Variants in AGBL4 observed in about 807,000 individuals in gnomAD.
AGBL4 encodes the protein cytosolic carboxypeptidase 6.
AGBL4 carries 58 observed loss-of-function variants against 66.4 expected under a neutral mutation model. The observed-to-expected ratio is 0.87, with a 90% CI of 0.71 to 1.09. The LOEUF (loss-of-function observed/expected upper bound fraction) is 1.09, where lower values mean the gene tolerates loss of function less well. Ranked by LOEUF, AGBL4 falls within the 50% of genes least tolerant of loss-of-function variation. The pLI is 0.00. For missense variants in AGBL4, 579 were observed against 631.0 expected, an observed-to-expected ratio of 0.92 and a Z score of 0.88; for synonymous variants, 234 against 222.9, an observed-to-expected ratio of 1.05 and a Z score of -0.44.
At chr1:49,360,790 G>A (rs778490241) in intron 3 of AGBL4, among the ~76,000 whole-genome samples, 2 of 151,968 alleles carry the variant, frequency 1.3e-5, no homozygotes, top group African/African-American at 2.4e-5. Flanking sequence ...AAACGAATCC[G>A]CATGTTATTG....
intron 5 of AGBL4, among the ~76,000 whole-genome samples, chr1:48,963,215 A>G (rs1437983654): frequency 6.6e-6 from 1 of 151,816 alleles, no homozygotes; most frequent in Non-Finnish European, 1.5e-5. Flanking sequence ...TCCCAAAATA[A>G]CTAACCTACT....
At chr1:49,602,116 G>T (rs1644971667) in intron 3 of AGBL4, among the ~76,000 whole-genome samples, 1 of 152,174 alleles carries the variant, frequency 6.6e-6, no homozygotes, top group African/African-American at 2.4e-5. Flanking sequence ...CTGGTCATTA[G>T]AGAAATGCAA....
intron 6 of AGBL4, among the ~76,000 whole-genome samples, chr1:48,846,305 TAGATAGAC>T (rs1365784252): frequency 2.1e-5 from 3 of 145,794 alleles, no homozygotes; most frequent in African/African-American, 7.7e-5. Flanking sequence ...GATAGATAGA[TAGATAGAC>T]AGATAGATAG....
intron 6 of AGBL4, among the ~76,000 whole-genome samples, chr1:48,763,601 T>C (rs990095949): frequency 6.6e-6 from 1 of 152,102 alleles, no homozygotes; most frequent in Non-Finnish European, 1.5e-5. Flanking sequence ...GTTTGACAAG[T>C]TGAGGGCAAA....
intron 1 of AGBL4, among the ~76,000 whole-genome samples, chr1:49,931,283 G>A (rs999793798): frequency 1.3e-5 from 2 of 152,110 alleles, no homozygotes; most frequent in African/African-American, 4.8e-5. Context: ...CTATATTCAT[G>A]AGTTGAAAGA....
Position 49,258,615 on chromosome 1 carries a change from A to G in AGBL4, c.283-12751T>C, listed in dbSNP as rs549777554. Among the ~76,000 whole-genome samples the G allele has an allele frequency of 3.2e-4, 49 of 152,300 alleles. 1 individual carries two copies. In the South Asian group the frequency reaches 9.3e-3, roughly 29 times the overall value. Reference sequence around the variant, plus strand: ...AAGGGAAGTTTAGAGAAAAAAGAATAAAAAGAAACAAACAAAGCCTCCAAG... The same window carrying G: ...AAGGGAAGTTTAGAGAAAAAAGAATGAAAAGAAACAAACAAAGCCTCCAAG... On this transcript the variant is annotated intron_variant, in intron 3 of 13. Coordinates refer to ENST00000371839, the MANE Select transcript of AGBL4 (RefSeq NM_032785.4).
At chr1:48,586,226 A>G (rs1644817994) in intron 11 of AGBL4, 1 of 152,252 alleles carries the variant, frequency 6.6e-6, no homozygotes, top group African/African-American at 2.4e-5. Context: ...TTCTAATTTC[A>G]TCATGGAAGG....
chr1:49,833,569 T>C (rs1219444346), intron 2 of AGBL4, among the ~76,000 whole-genome samples: 10 of 151,408 alleles, frequency 6.6e-5, no homozygotes, highest in African/African-American at 2.4e-4. Flanking sequence ...ATTGAATCTG[T>C]AAATTACCTT....
At chr1:49,283,481 C>T (rs1013694396) in intron 3 of AGBL4, among the ~76,000 whole-genome samples, 13 of 152,192 alleles carry the variant, frequency 8.5e-5, no homozygotes, top group East Asian at 1.9e-4. Context: ...TCCAAAGGAA[C>T]GCAGTTCCTC....
intron 3 of AGBL4, among the ~76,000 whole-genome samples, chr1:49,565,234 A>T (rs1644164805): frequency 3.9e-5 from 6 of 152,184 alleles, no homozygotes; most frequent in Admixed American, 3.9e-4. Context: ...AATACAGCAC[A>T]CTGATAGGTC....
chr1:49,142,615 C>CCTATGT lies in AGBL4; in HGVS notation c.378-96821_378-96816dup, dbSNP rs767561405. On this transcript the variant is annotated intron_variant, in intron 4 of 13. Transcript: ENST00000371839. The stretch of plus-strand genomic sequence containing the variant: ...TATCATTTTCTTTCCCTTCTTTTCT[C>CCTATGT]CTATGTCTATGTCTATAATAGTGTT... Among the ~76,000 whole-genome samples the CCTATGT allele has an allele frequency of 2.7e-3, 407 of 152,192 alleles. 5 individuals carry two copies. Among genetic ancestry groups the CCTATGT allele is most frequent in the Non-Finnish European group, 8.1e-4 (55 of 68,004 alleles).
chr1:49,872,998 T>A (rs1211922732), intron 1 of AGBL4, among the ~76,000 whole-genome samples: 1 of 151,948 alleles, frequency 6.6e-6, no homozygotes, highest in South Asian at 2.1e-4. Context: ...TCCCCTTTTT[T>A]CCCCATTTTA....
At chr1:48,781,000 C>T (rs1645278473) in intron 6 of AGBL4, among the ~76,000 whole-genome samples, 1 of 152,248 alleles carries the variant, frequency 6.6e-6, no homozygotes, top group Non-Finnish European at 1.5e-5. Flanking sequence ...AATCCCAACT[C>T]TGCCTTTCCC....
At chr1:49,213,846 A>G (rs1648865395) in intron 4 of AGBL4, among the ~76,000 whole-genome samples, 1 of 152,038 alleles carries the variant, frequency 6.6e-6, no homozygotes, top group Non-Finnish European at 1.5e-5. Context: ...CTAGCTCTGC[A>G]TCCTGAGGTA....
chr1:50,003,400 A>C lies in AGBL4; in HGVS notation c.34+20363T>G, dbSNP rs141921693. ...CCTTAGATTCAGAAAACAAATATTA[A>C]TAGAAAGTGGATTTTAAGCCTTGAC... On this transcript the variant is annotated intron_variant, in intron 1 of 13. Transcript: ENST00000371839. 6.6e-5 allele frequency among the ~76,000 whole-genome samples: 10 copies of C among 152,350 alleles called. No homozygotes were observed. The East Asian group carries it at 1.7e-3, about 26-fold the overall frequency.
chr1:49,860,870 G>A (rs1206335586), intron 1 of AGBL4, among the ~76,000 whole-genome samples: 1 of 152,062 alleles, frequency 6.6e-6, no homozygotes, highest in Non-Finnish European at 1.5e-5. Flanking sequence ...ACAGTACCTG[G>A]TTTTAACTTC....
At chr1:49,851,574 C>A in intron 1 of AGBL4, 56 bp from the exon 2 acceptor site, 2 of 1,515,014 alleles carry the variant, frequency 1.3e-6, no homozygotes, top group South Asian at 2.5e-5. Flanking sequence ...GAAGTCTAGT[C>A]AGATTTTTAC....
At chr1:49,644,859 A>T (rs1322640037) in intron 3 of AGBL4, among the ~76,000 whole-genome samples, 1 of 151,560 alleles carries the variant, frequency 6.6e-6, no homozygotes, top group Non-Finnish European at 1.5e-5. Flanking sequence ...GGTAAACTAT[A>T]TACTACTGGA....
chr1:49,820,455 C>CA (rs1402398358), intron 2 of AGBL4, among the ~76,000 whole-genome samples: 5 of 152,046 alleles, frequency 3.3e-5, no homozygotes, highest in African/African-American at 1.2e-4. Context: ...TTTCCAAATC[C>CA]AAAAATGTTA....
Sources: allele counts gnomAD v4.1 joint callset (sites outside exome capture counted in the v4.1 genomes callset), GRCh38; gene constraint gnomAD v4.1.1; transcripts MANE v1.5; gene names NCBI Gene and HGNC (gene_info 2026-07-23, HGNC 2026-07-21).